The following PTPRM variants were observed in gnomAD, a reference collection of about 807,000 sequenced individuals.
PTPRM encodes protein tyrosine phosphatase receptor type M, also known as receptor-type tyrosine-protein phosphatase mu.
In PTPRM, 47 loss-of-function variants were observed where a neutral mutation model predicts 186.7. The observed-to-expected ratio is 0.25, with a 90% CI of 0.20 to 0.32. The LOEUF (loss-of-function observed/expected upper bound fraction) is 0.32. PTPRM is among the 10% of genes least tolerant of loss of function. PTPRM has a pLI of 1.00. For synonymous variants in PTPRM, 668 were observed against 674.9 expected (o/e 0.99, Z 0.16); for missense variants, 1,494 against 1,865.0 (o/e 0.80, Z 3.66).
At chr18:7,995,749 T>C (rs2083498819) in intron 7 of PTPRM, 1 of 152,242 alleles carries the variant, frequency 6.6e-6, no homozygotes, top group South Asian at 2.1e-4. Flanking sequence ...TGTCTTCCTC[T>C]GGGAGAGTAA....
At chr18:8,027,528 A>G (rs1462995512) in intron 7 of PTPRM, among the ~76,000 whole-genome samples, 1 of 152,222 alleles carries the variant, frequency 6.6e-6, no homozygotes, top group Non-Finnish European at 1.5e-5. Flanking sequence ...ACTTAATCAG[A>G]TTCTGCCCAT....
intron 12 of PTPRM, 144 bp downstream of exon 12, chr18:8,113,903 T>C (rs2091856945): frequency 1.0e-6 from 1 of 966,610 alleles, no homozygotes. Context: ...CTTAAAATTA[T>C]TTTTGTCTAG....
intron 4 of PTPRM, 43 bp downstream of exon 4, chr18:7,906,626 G>T (rs1277262996): frequency 6.3e-6 from 9 of 1,431,952 alleles, no homozygotes; most frequent in Non-Finnish European, 8.9e-6. Flanking sequence ...CATCATTGGG[G>T]GCATGTTTAC....
At chr18:8,034,654 C>G (rs540911329) in intron 7 of PTPRM, among the ~76,000 whole-genome samples, 178 of 152,296 alleles carry the variant, frequency 1.2e-3, no homozygotes, top group African/African-American at 4.0e-3. Flanking sequence ...GTGCTCCACT[C>G]TGGGCTCACA....
chr18:7,809,315 AG>A (rs2044388774), intron 2 of PTPRM, among the ~76,000 whole-genome samples: 1 of 152,138 alleles, frequency 6.6e-6, no homozygotes, highest in Admixed American at 6.5e-5. Context: ...CTAGCTCATG[AG>A]TAGGGCTCCA....
intron 13 of PTPRM, among the ~76,000 whole-genome samples, chr18:8,123,317 G>T (rs1247643433): frequency 6.6e-6 from 1 of 152,138 alleles, no homozygotes; most frequent in African/African-American, 2.4e-5. Context: ...TGTTTTTTGT[G>T]TGTGAAACTA....
intron 13 of PTPRM, among the ~76,000 whole-genome samples, chr18:8,126,903 G>A (rs968810978): frequency 7.2e-5 from 11 of 152,220 alleles, no homozygotes; most frequent in Admixed American, 3.9e-4. Flanking sequence ...AGCAGAGAGC[G>A]AAAAGGATGT....
At chr18:7,853,752 T>C (rs1279800191) in intron 2 of PTPRM, among the ~76,000 whole-genome samples, 1 of 152,216 alleles carries the variant, frequency 6.6e-6, no homozygotes, top group Non-Finnish European at 1.5e-5. Context: ...GAAATAATAT[T>C]CTATACCAAG....
intron 1 of PTPRM, among the ~76,000 whole-genome samples, chr18:7,717,352 G>A (rs192315635): frequency 3.3e-5 from 5 of 152,066 alleles, no homozygotes; most frequent in Admixed American, 2.6e-4. Context: ...GCTTGATGGT[G>A]TAACTTCGAA....
At chr18:8,326,608 T>C (rs901821676) in intron 22 of PTPRM, among the ~76,000 whole-genome samples, 2 of 151,984 alleles carry the variant, frequency 1.3e-5, no homozygotes, top group South Asian at 4.2e-4. Flanking sequence ...CAGAACAGAA[T>C]AGAGAGCCCA....
chr18:7,982,898 CT>C (rs2082636470), intron 7 of PTPRM, among the ~76,000 whole-genome samples: 1 of 152,084 alleles, frequency 6.6e-6, no homozygotes, highest in South Asian at 2.1e-4. Flanking sequence ...AGTCAGGAAG[CT>C]TCTACAAGGA....
At chr18:7,679,198 A>G (rs2039421721) in intron 1 of PTPRM, among the ~76,000 whole-genome samples, 1 of 152,252 alleles carries the variant, frequency 6.6e-6, no homozygotes, top group African/African-American at 2.4e-5. Context: ...AACTGCAGTC[A>G]TTCATTAAGT....
intron 7 of PTPRM, among the ~76,000 whole-genome samples, chr18:8,050,939 A>G (rs1286764327): frequency 1.3e-5 from 2 of 152,144 alleles, no homozygotes; most frequent in Non-Finnish European, 2.9e-5. Context: ...GAGGGGGAGC[A>G]ACAACTGTAC....
At chr18:8,336,928 G>A (rs1235336417) in intron 22 of PTPRM, among the ~76,000 whole-genome samples, 1 of 151,978 alleles carries the variant, frequency 6.6e-6, no homozygotes, top group Non-Finnish European at 1.5e-5. Context: ...AGTGAGCCAA[G>A]ATCACGCCAC....
intron 13 of PTPRM, among the ~76,000 whole-genome samples, chr18:8,137,638 C>T (rs2092667635): frequency 6.6e-6 from 1 of 152,212 alleles, no homozygotes; most frequent in Admixed American, 6.5e-5. Context: ...CAGTGAGCAA[C>T]ACCCATCCCA....
rs758054687 is a variant in PTPRM at position 7,615,365 on chromosome 18, A to G, written c.73+47474A>G. Among the ~76,000 whole-genome samples, 90 of 152,254 alleles carry G rather than the reference A, an allele frequency of 5.9e-4. No individual in the cohort carries two copies. In the Middle Eastern group the frequency reaches 0.014, roughly 23 times the overall value. ...GTTTTGCATACACACATGGAAGGGC[A>G]GGCTGTAGCAGGAAGAGAGACGGGA... On this transcript the variant is annotated intron_variant, in intron 1 of 32. Coordinates refer to ENST00000580170, the MANE Select transcript of PTPRM (RefSeq NM_001105244.2).
intron 1 of PTPRM, among the ~76,000 whole-genome samples, chr18:7,586,586 T>C (rs963681982): frequency 2.0e-5 from 3 of 152,176 alleles, no homozygotes; most frequent in Non-Finnish European, 4.4e-5. Context: ...CTGATACTGC[T>C]CAGTTCCAAG....
chr18:8,119,390 A>G (rs1715094186), intron 13 of PTPRM, among the ~76,000 whole-genome samples: 1 of 152,196 alleles, frequency 6.6e-6, no homozygotes. Context: ...AAGAACTGAA[A>G]AGAATGTCTG....
intron 14 of PTPRM, among the ~76,000 whole-genome samples, chr18:8,150,521 C>G (rs763605912): frequency 9.9e-5 from 15 of 152,248 alleles, no homozygotes; most frequent in Middle Eastern, 3.4e-3. Context: ...CTTCTCTAAA[C>G]TGATTATTCT....
Sources: gnomAD v4.1 joint callset for allele counts (sites outside exome capture counted in the v4.1 genomes callset) on GRCh38, gnomAD v4.1.1 for gene constraint, MANE v1.5 for transcripts, NCBI Gene and HGNC (gene_info 2026-07-23, HGNC 2026-07-21) for gene names.